The following CLIP2 variants were observed in gnomAD, a reference collection of about 807,000 sequenced individuals.
The protein encoded by CLIP2 is CAP-Gly domain-containing linker protein 2.
In CLIP2, 41 loss-of-function variants were observed where a neutral mutation model predicts 111.7. That is an observed-to-expected ratio of 0.37 (90% CI 0.29 to 0.48). The LOEUF is 0.48. Ranked by LOEUF, CLIP2 falls within the 20% of genes least tolerant of loss-of-function variation. The pLI is 0.99. For missense variants in CLIP2, 1,160 were observed against 1,422.1 expected (o/e 0.82, Z 2.96); for synonymous variants, 660 against 644.2 (o/e 1.02, Z -0.37).
intron 13 of CLIP2, among the ~76,000 whole-genome samples, chr7:74,396,828 C>T (rs370899255): frequency 5.3e-5 from 8 of 152,030 alleles, no homozygotes; most frequent in Non-Finnish European, 1.2e-4. Context: ...GCACTCCCCC[C>T]ACAACAACTT....
intron 3 of CLIP2, among the ~76,000 whole-genome samples, chr7:74,352,818 AG>A (rs1323401209): frequency 6.6e-6 from 1 of 151,984 alleles, no homozygotes; most frequent in African/African-American, 2.4e-5. Flanking sequence ...AGACCAGCTC[AG>A]GCAACATATC....
At chr7:74,359,584 T>G (rs1182751145) in intron 6 of CLIP2, among the ~76,000 whole-genome samples, 2 of 151,904 alleles carry the variant, frequency 1.3e-5, no homozygotes, top group African/African-American at 4.8e-5. Context: ...CTCAATCTCC[T>G]GACCTTGTGA....
intron 3 of CLIP2, among the ~76,000 whole-genome samples, chr7:74,341,412 C>A (rs1789655859): frequency 6.6e-6 from 1 of 151,886 alleles, no homozygotes; most frequent in East Asian, 1.9e-4. Context: ...TGGTCTTGAT[C>A]TCTTGACCTA....
At chr7:74,328,262 G>A (rs1423922442) in intron 2 of CLIP2, among the ~76,000 whole-genome samples, 1 of 152,194 alleles carries the variant, frequency 6.6e-6, no homozygotes, top group Non-Finnish European at 1.5e-5. Context: ...AAGGAATGCT[G>A]TGGAGACCCC....
chr7:74,297,514 C>A (rs1016156636), intron 1 of CLIP2, among the ~76,000 whole-genome samples: 3 of 152,030 alleles, frequency 2.0e-5, no homozygotes, highest in African/African-American at 7.2e-5. Flanking sequence ...AAAACAAAAG[C>A]AGGGCCCCCC....
At chr7:74,362,528 C>CTTTTTTTTTTTTTTTTTTTTGTT (rs3044338) in intron 7 of CLIP2, among the ~76,000 whole-genome samples, 1 of 121,978 alleles carries the variant, frequency 8.2e-6, no homozygotes, top group African/African-American at 3.1e-5. Context: ...TTTTTCTTTT[C>CTTTTTTTTTTTTTTTTTTTTGTT]TTTTTTTTTT....
At chr7:74,291,517 A>G (rs1788018684) in intron 1 of CLIP2, among the ~76,000 whole-genome samples, 1 of 152,178 alleles carries the variant, frequency 6.6e-6, no homozygotes, top group Non-Finnish European at 1.5e-5. Flanking sequence ...CTGCCTCGAC[A>G]TCCTCATCTG....
intron 7 of CLIP2, among the ~76,000 whole-genome samples, chr7:74,361,810 C>T (rs762123031): frequency 5.9e-5 from 9 of 152,100 alleles, no homozygotes; most frequent in Non-Finnish European, 1.2e-4. Context: ...CTGGTGTCAT[C>T]GCTTTCAAGG....
chr7:74,403,734 C>T (rs1791688294), intron 16 of CLIP2, 103 bp from the exon 17 acceptor site: 1 of 1,188,770 alleles, frequency 8.4e-7, no homozygotes, highest in Non-Finnish European at 1.3e-6. Flanking sequence ...CTATGCTCCT[C>T]CCCCACCCGG....
chr7:74,341,090 G>A (rs112442658), intron 3 of CLIP2, among the ~76,000 whole-genome samples: 2 of 152,278 alleles, frequency 1.3e-5, no homozygotes, highest in African/African-American at 2.4e-5. Context: ...CCATGGCCCC[G>A]TTGAATCTTC....
chr7:74,291,730 A>G (rs1475496902), intron 1 of CLIP2, among the ~76,000 whole-genome samples: 1 of 151,796 alleles, frequency 6.6e-6, no homozygotes, highest in Non-Finnish European at 1.5e-5. Context: ...GTTAGCCCTG[A>G]CCCGGCACCT....
chr7:74,339,758 A>T (rs1260491627), intron 3 of CLIP2, among the ~76,000 whole-genome samples: 2 of 152,116 alleles, frequency 1.3e-5, no homozygotes, highest in Non-Finnish European at 2.9e-5. Flanking sequence ...TGTGCCAGGC[A>T]TGTACTGGAA....
Position 74,357,495 on chromosome 7 carries a change from C to G in CLIP2, c.1215+18C>G. The G allele has an allele frequency of 1.2e-6, 2 of 1,601,094 alleles. No homozygotes were observed. Among genetic ancestry groups the G allele is most frequent in the Middle Eastern group, 1.7e-4 (1 of 5,822 alleles). ...ATGAGCAGGTGAGTGGCAGGTGGGGCTGGGGGCAGAGCTTCTCCAGCCAGC... is the reference window on the plus strand; with the variant it reads ...ATGAGCAGGTGAGTGGCAGGTGGGGGTGGGGGCAGAGCTTCTCCAGCCAGC... On this transcript the variant is annotated intron_variant, in intron 6 of 16. Coordinates refer to ENST00000223398, the MANE Select transcript of CLIP2 (RefSeq NM_003388.5).
At chr7:74,390,221 GAAAGGATT>G (rs201147231) in intron 13 of CLIP2, among the ~76,000 whole-genome samples, 6,778 of 67,214 alleles carry the variant, frequency 0.1, 254 homozygotes, top group Non-Finnish European at 0.16. Context: ...AAGAAAGAAA[GAAAGGATT>G]AATGCCTCCC....
intron 12 of CLIP2, 118 bp from the exon 13 acceptor site, chr7:74,388,985 G>C (rs374010775): frequency 3.2e-6 from 4 of 1,231,246 alleles, no homozygotes; most frequent in East Asian, 5.0e-5. Context: ...ATGCAGTGGG[G>C]TATGTCACCT....
intron 6 of CLIP2, among the ~76,000 whole-genome samples, chr7:74,358,330 T>G (rs1790208224): frequency 1.3e-5 from 2 of 152,038 alleles, no homozygotes; most frequent in African/African-American, 4.8e-5. Flanking sequence ...GGATTACAGG[T>G]GTGAGCCACC....
chr7:74,315,842 G>C (rs1351359489), intron 1 of CLIP2, among the ~76,000 whole-genome samples: 3 of 151,184 alleles, frequency 2.0e-5, no homozygotes, highest in African/African-American at 7.3e-5. Flanking sequence ...AAGGTGTTGG[G>C]ATTACAGGCG....
At chr7:74,362,951 C>A (rs573619530) in intron 7 of CLIP2, among the ~76,000 whole-genome samples, 1 of 152,076 alleles carries the variant, frequency 6.6e-6, no homozygotes, top group East Asian at 1.9e-4. Flanking sequence ...GGGCCTCATT[C>A]CTCATTGCTA....
intron 12 of CLIP2, among the ~76,000 whole-genome samples, chr7:74,387,708 C>CAAGGTG (rs1791154537): frequency 6.6e-6 from 1 of 152,138 alleles, no homozygotes; most frequent in African/African-American, 2.4e-5. Flanking sequence ...CCTCCAAGGC[C>CAAGGTG]AAGGTGAAGG....
Sources: gnomAD v4.1 joint callset for allele counts (sites outside exome capture counted in the v4.1 genomes callset) on GRCh38, gnomAD v4.1.1 for gene constraint, MANE v1.5 for transcripts, NCBI Gene and HGNC (gene_info 2026-07-23, HGNC 2026-07-21) for gene names.